Variants in RAPGEF4 observed in about 807,000 individuals in gnomAD.
RAPGEF4 encodes Rap guanine nucleotide exchange factor 4.
A neutral mutation model predicts 147.9 loss-of-function variants in RAPGEF4; 66 were observed. The ratio of observed to expected loss-of-function variants is 0.45; its 90% CI spans 0.37 to 0.55. The LOEUF is 0.55. Ranked by LOEUF, RAPGEF4 falls within the 20% of genes least tolerant of loss-of-function variation. RAPGEF4 has a pLI of 0.00. For missense variants in RAPGEF4, 1,071 were observed against 1,257.3 expected (o/e 0.85, Z 2.24); for synonymous variants, 419 against 442.7 (o/e 0.95, Z 0.67).
chr2:172,742,370 GGTT>G (rs1349778092), intron 1 of RAPGEF4, among the ~76,000 whole-genome samples: 7 of 151,862 alleles, frequency 4.6e-5, no homozygotes, highest in East Asian at 1.9e-4. Flanking sequence ...GAAGAAACTG[GGTT>G]GTTGTTGTTT....
At chr2:172,755,378 T>A (rs1296482727) in intron 1 of RAPGEF4, among the ~76,000 whole-genome samples, 7 of 152,154 alleles carry the variant, frequency 4.6e-5, no homozygotes, top group Non-Finnish European at 7.4e-5. Context: ...AACAATAATT[T>A]AAAAATTATC....
rs563090143 is a variant in RAPGEF4 at position 172,833,736 on chromosome 2, G to A, written c.444+19311G>A. Among the ~76,000 whole-genome samples, 3 of 152,260 alleles carry A rather than the reference G, an allele frequency of 2.0e-5. No individual in the cohort carries two copies. The South Asian group carries it at 6.2e-4, about 32-fold the overall frequency. On this transcript the variant is annotated intron_variant, in intron 4 of 30. Coordinates refer to ENST00000397081, the MANE Select transcript of RAPGEF4 (RefSeq NM_007023.4). ...CAGGGTTTTGTTCCAGATACATTTT[G>A]TGACTAGGCGCTTAGGACTGAAGAA...
chr2:172,797,471 A>C (rs1040410559), intron 2 of RAPGEF4, 54 bp from the exon 3 acceptor site: 14 of 1,441,786 alleles, frequency 9.7e-6, no homozygotes, highest in Non-Finnish European at 1.3e-5. Flanking sequence ...GGCAGATCAT[A>C]TAGTAAAACC....
At chr2:172,918,617 C>G (rs1377133177) in intron 5 of RAPGEF4, among the ~76,000 whole-genome samples, 1 of 152,138 alleles carries the variant, frequency 6.6e-6, no homozygotes, top group Non-Finnish European at 1.5e-5. Flanking sequence ...TGGGTCCCCA[C>G]TAAACTCAAA....
intron 4 of RAPGEF4, among the ~76,000 whole-genome samples, chr2:172,841,662 A>G (rs1450266293): frequency 6.6e-6 from 1 of 152,186 alleles, no homozygotes; most frequent in African/African-American, 2.4e-5. Flanking sequence ...TTCTCATTAC[A>G]CTTGAGTAAT....
chr2:172,846,523 G>C (rs1204336203), intron 4 of RAPGEF4, among the ~76,000 whole-genome samples: 1 of 152,132 alleles, frequency 6.6e-6, no homozygotes, highest in Non-Finnish European at 1.5e-5. Flanking sequence ...TGAAGTCTAG[G>C]GGGTTGGGTT....
intron 21 of RAPGEF4, among the ~76,000 whole-genome samples, chr2:173,018,356 C>T (rs1036386934): frequency 6.6e-6 from 1 of 152,146 alleles, no homozygotes; most frequent in Non-Finnish European, 1.5e-5. Context: ...CACTTCAGAC[C>T]CTGAACATCA....
rs919441200 is a variant in RAPGEF4 at position 173,052,809 on chromosome 2, C to T, written c.*1042C>T. 1.3e-5 allele frequency: 2 copies of T among 152,356 alleles called. No individual in the cohort carries two copies. Among genetic ancestry groups the T allele is most frequent in the African/African-American group, 4.8e-5 (2 of 41,468 alleles). The allele number at this position is 152,356 out of a possible 1,614,324, so 9.4% of individuals were successfully genotyped here. On this transcript the variant is annotated 3_prime_UTR_variant, in exon 31 of 31. Transcript: ENST00000397081. ...TTTTCCTGTTTTCACAATTAGACTA[C>T]ATTTAATGTGTAGGAATTGTATGTA...
intron 4 of RAPGEF4, among the ~76,000 whole-genome samples, chr2:172,888,895 G>GGGAGAAT (rs1575143435): frequency 6.6e-6 from 1 of 152,142 alleles, no homozygotes; most frequent in South Asian, 2.1e-4. Flanking sequence ...TTGCCTAATG[G>GGGAGAAT]GGAGAATTTG....
intron 3 of RAPGEF4, among the ~76,000 whole-genome samples, chr2:172,798,651 A>AGAC (rs1553511593): frequency 3.0e-5 from 3 of 101,280 alleles, no homozygotes; most frequent in South Asian, 2.8e-4. Flanking sequence ...GCTTTTTCAT[A>AGAC]GGTAGCACAC....
chr2:172,777,541 A>G (rs1684290595), intron 1 of RAPGEF4, among the ~76,000 whole-genome samples: 1 of 152,180 alleles, frequency 6.6e-6, no homozygotes, highest in Admixed American at 6.5e-5. Flanking sequence ...TCTCTCCATG[A>G]GTATTGGTCT....
intron 4 of RAPGEF4, among the ~76,000 whole-genome samples, chr2:172,862,827 T>G (rs1694182483): frequency 6.6e-6 from 1 of 152,144 alleles, no homozygotes; most frequent in African/African-American, 2.4e-5. Context: ...ATACAGGAAT[T>G]AAGAGAAGAG....
At chr2:172,995,349 C>T (rs12996130) in intron 15 of RAPGEF4, among the ~76,000 whole-genome samples, 81,981 of 150,746 alleles carry the variant, frequency 0.54, 23,696 homozygotes, top group East Asian at 0.89. Flanking sequence ...GTGTGATCTC[C>T]GCTCACTGCA....
rs1691928759 is a variant in RAPGEF4, at chr2:172,983,661, T to TG, written c.1089+82dup. 3 of 1,539,016 alleles carry TG rather than the reference T, an allele frequency of 1.9e-6. No individual in the cohort carries two copies. The Admixed American group carries it at 6.4e-5, about 33-fold the overall frequency. On this transcript the variant is annotated intron_variant, in intron 11 of 30. Coordinates refer to ENST00000397081, the MANE Select transcript of RAPGEF4 (RefSeq NM_007023.4). ...AGGACAGAGGAGAGTATTACGGTGT[T>TG]GTGGGGGGAAAGAATGTCTGATTTT... is the stretch of plus-strand genomic sequence containing the variant.
chr2:173,008,223 A>G (rs1694683248), intron 17 of RAPGEF4, among the ~76,000 whole-genome samples: 1 of 152,156 alleles, frequency 6.6e-6, no homozygotes, highest in African/African-American at 2.4e-5. Context: ...AAGTTTCCTG[A>G]GGCCTCCCCA....
intron 4 of RAPGEF4, among the ~76,000 whole-genome samples, chr2:172,840,903 G>T (rs1349653604): frequency 1.3e-5 from 2 of 152,218 alleles, no homozygotes; most frequent in East Asian, 3.9e-4. Flanking sequence ...CATTGGCAGA[G>T]CCAGGACCAG....
intron 4 of RAPGEF4, among the ~76,000 whole-genome samples, chr2:172,873,506 T>A (rs892511525): frequency 2.0e-5 from 3 of 152,168 alleles, no homozygotes; most frequent in African/African-American, 7.2e-5. Flanking sequence ...CTACCCTCTT[T>A]CCTAATTCAA....
intron 8 of RAPGEF4, among the ~76,000 whole-genome samples, chr2:172,964,571 C>A (rs1689637819): frequency 6.6e-6 from 1 of 152,048 alleles, no homozygotes; most frequent in African/African-American, 2.4e-5. Flanking sequence ...CCTCCAATTT[C>A]AACTAGAGAG....
intron 10 of RAPGEF4, among the ~76,000 whole-genome samples, chr2:172,973,814 T>C (rs1690775125): frequency 6.6e-6 from 1 of 152,220 alleles, no homozygotes; most frequent in Admixed American, 6.5e-5. Context: ...AGATTATGTT[T>C]GTTATAGTTT....
Sources: gnomAD v4.1 joint callset for allele counts (sites outside exome capture counted in the v4.1 genomes callset) on GRCh38, gnomAD v4.1.1 for gene constraint, MANE v1.5 for transcripts, NCBI Gene and HGNC (gene_info 2026-07-23, HGNC 2026-07-21) for gene names.